The following MCUB variants were observed in gnomAD, a reference collection of about 807,000 sequenced individuals.
MCUB encodes the protein mitochondrial calcium uniporter dominant negative subunit beta.
MCUB carries 46 observed loss-of-function variants against 41.4 expected under a neutral mutation model. That is an observed-to-expected ratio of 1.11 (90% CI 0.88 to 1.42). MCUB has a LOEUF of 1.42. Among genes scored for constraint, MCUB ranks in the 40% most tolerant of loss-of-function variants. MCUB has a pLI of 0.00. For missense variants in MCUB, 403 were observed against 404.9 expected, an observed-to-expected ratio of 1.00 and a Z score of 0.04; for synonymous variants, 148 against 148.2, an observed-to-expected ratio of 1.00 and a Z score of 0.01.
At chr4:109,649,645 C>G (rs1199992458) in intron 1 of MCUB, among the ~76,000 whole-genome samples, 1 of 151,664 alleles carries the variant, frequency 6.6e-6, no homozygotes, top group Non-Finnish European at 1.5e-5. Context: ...TTTTTTCAGG[C>G]ATTATAAGAA....
Position 109,656,354 on chromosome 4 carries a change from CTTTTTTTTTTTTTTTTTTTTTTTTT to C in MCUB, c.100-2643_100-2619del, listed in dbSNP as rs752851425. On this transcript the variant is annotated intron_variant, in intron 1 of 7. Coordinates refer to ENST00000394650, the MANE Select transcript of MCUB (RefSeq NM_017918.5). ...GAGGGGCTCTAACTTTTACTCTCTACTTTTTTTTTTTTTTTTTTTTTTTTTTTTTTTTTTTTTTGGAGACAGGGTT... is the reference window on the plus strand; with the variant it reads ...GAGGGGCTCTAACTTTTACTCTCTACTTTTTTTTTTTTTGGAGACAGGGTT... 8.0e-5 allele frequency among the ~76,000 whole-genome samples: 5 copies of C among 62,116 alleles called. 1 individual carries two copies. Among genetic ancestry groups the C allele is most frequent in the East Asian group, 6.4e-4 (1 of 1,552 alleles). The allele number at this position is 62,116 out of a possible 152,430, so 40.8% of individuals were successfully genotyped here. A position where few individuals can be genotyped will look rare whatever the true frequency, so the allele number is the denominator to read the frequency against.
intron 1 of MCUB, among the ~76,000 whole-genome samples, chr4:109,590,260 C>T (rs1727399840): frequency 1.3e-5 from 2 of 152,168 alleles, no homozygotes; most frequent in African/African-American, 4.8e-5. Flanking sequence ...GGAAGTATTT[C>T]ATGATCAGTA....
intron 1 of MCUB, among the ~76,000 whole-genome samples, chr4:109,627,602 G>A (rs1368102144): frequency 6.6e-6 from 1 of 152,140 alleles, no homozygotes; most frequent in African/African-American, 2.4e-5. Context: ...ATAAAGTTGA[G>A]AACACAGAGG....
Position 109,585,816 on chromosome 4 carries a change from C to T in MCUB, c.99+25380C>T, listed in dbSNP as rs192528353. Among the ~76,000 whole-genome samples the T allele has an allele frequency of 1.3e-4, 20 of 152,294 alleles. 1 individual carries two copies. The highest frequency in any genetic ancestry group is 3.6e-4 in the African/African-American group (15 of 41,558). ...GCTTGTAGAGTTTCTGCCGAGAGAT[C>T]GGCTGTTAGTCTGATGGGCTTCCCT... On this transcript the variant is annotated intron_variant, in intron 1 of 7. Transcript: ENST00000394650.
intron 1 of MCUB, among the ~76,000 whole-genome samples, chr4:109,566,294 C>G (rs1726775012): frequency 1.3e-5 from 2 of 151,242 alleles, no homozygotes; most frequent in African/African-American, 4.8e-5. Context: ...ACGGTGAAAC[C>G]CCGTCTCTAC....
chr4:109,664,727 A>G (rs932867918), intron 4 of MCUB, among the ~76,000 whole-genome samples: 39 of 152,288 alleles, frequency 2.6e-4, no homozygotes, highest in African/African-American at 9.4e-4. Flanking sequence ...ATGACCAAGA[A>G]GTCTTTGGAA....
chr4:109,596,531 G>A (rs1344238148), intron 1 of MCUB, among the ~76,000 whole-genome samples: 1 of 151,898 alleles, frequency 6.6e-6, no homozygotes, highest in Non-Finnish European at 1.5e-5. Flanking sequence ...ATCTCAATGT[G>A]GAACTGCAGT....
intron 1 of MCUB, among the ~76,000 whole-genome samples, chr4:109,642,869 T>C (rs959422995): frequency 1.3e-5 from 2 of 151,274 alleles, no homozygotes; most frequent in African/African-American, 4.9e-5. Context: ...AGTAGAGTTA[T>C]TGATATACAG....
chr4:109,574,674 C>T (rs925902178), intron 1 of MCUB, among the ~76,000 whole-genome samples: 7 of 152,274 alleles, frequency 4.6e-5, no homozygotes, highest in South Asian at 2.1e-4. Context: ...ATATACAAGA[C>T]GTTAATAACC....
rs147255448 is a variant in MCUB at position 109,649,986 on chromosome 4, G to A, written c.100-9025G>A. Among the ~76,000 whole-genome samples the A allele has an allele frequency of 1.2e-4, 18 of 152,184 alleles. No homozygotes were observed. In the East Asian group the frequency reaches 2.5e-3, roughly 21 times the overall value. ...CAGGTGTGGTATGGAGGAGCAGCCC[G>A]GCTAACTGGATTAAATGAAAAGCAA... On this transcript the variant is annotated intron_variant, in intron 1 of 7. Transcript: ENST00000394650.
chr4:109,583,202 A>G (rs936774325), intron 1 of MCUB, among the ~76,000 whole-genome samples: 20 of 152,166 alleles, frequency 1.3e-4, no homozygotes, highest in Non-Finnish European at 2.6e-4. Flanking sequence ...TGGGCATGGA[A>G]TATTCTTCCA....
intron 1 of MCUB, among the ~76,000 whole-genome samples, chr4:109,605,770 T>C (rs950998362): frequency 6.6e-5 from 10 of 152,370 alleles, no homozygotes; most frequent in Admixed American, 3.9e-4. Context: ...TATAATTCCC[T>C]GTTCTAGGGT....
At chr4:109,630,890 GT>G (rs1268136720) in intron 1 of MCUB, among the ~76,000 whole-genome samples, 3 of 152,028 alleles carry the variant, frequency 2.0e-5, no homozygotes, top group Non-Finnish European at 4.4e-5. Context: ...CTGCAAAATT[GT>G]TTTTTTATTC....
At chr4:109,576,308 T>G (rs1727027793) in intron 1 of MCUB, among the ~76,000 whole-genome samples, 1 of 152,170 alleles carries the variant, frequency 6.6e-6, no homozygotes, top group South Asian at 2.1e-4. Context: ...TTACTTATGG[T>G]AAGTCAAGTA....
At chr4:109,654,377 G>A (rs1463829480) in intron 1 of MCUB, among the ~76,000 whole-genome samples, 7 of 152,176 alleles carry the variant, frequency 4.6e-5, no homozygotes, top group South Asian at 4.1e-4. Context: ...TTGGGAGGCC[G>A]AGGCAGGCAG....
chr4:109,578,193 A>C (rs1261505604), intron 1 of MCUB, among the ~76,000 whole-genome samples: 1 of 152,182 alleles, frequency 6.6e-6, no homozygotes, highest in African/African-American at 2.4e-5. Flanking sequence ...CCCACACACA[A>C]AAAATCCAGT....
At chr4:109,566,386 C>T (rs566642756) in intron 1 of MCUB, among the ~76,000 whole-genome samples, 1 of 151,154 alleles carries the variant, frequency 6.6e-6, no homozygotes, top group South Asian at 2.1e-4. Flanking sequence ...AGGAGAATGA[C>T]ATGAACCCGG....
chr4:109,597,300 T>C (rs1224623739), intron 1 of MCUB, among the ~76,000 whole-genome samples: 1 of 150,162 alleles, frequency 6.7e-6, no homozygotes, highest in Non-Finnish European at 1.5e-5. Context: ...CACTTCCCAG[T>C]AGGGGCGGCC....
chr4:109,641,188 G>C (rs531866896), intron 1 of MCUB, among the ~76,000 whole-genome samples: 44 of 151,874 alleles, frequency 2.9e-4, no homozygotes, highest in Non-Finnish European at 5.1e-4. Flanking sequence ...CGCCTCCCGG[G>C]TTCACGCCAT....
Sources: gnomAD v4.1 joint callset for allele counts (sites outside exome capture counted in the v4.1 genomes callset) on GRCh38, gnomAD v4.1.1 for gene constraint, MANE v1.5 for transcripts, NCBI Gene and HGNC (gene_info 2026-07-23, HGNC 2026-07-21) for gene names.